Variants in KRT7 observed in about 807,000 individuals in gnomAD.
KRT7 encodes keratin 7, also known as keratin, type II cytoskeletal 7.
A neutral mutation model predicts 42.8 loss-of-function variants in KRT7; 50 were observed. That is an observed-to-expected ratio of 1.17 (90% CI 0.93 to 1.48). KRT7 has a LOEUF of 1.48. KRT7 is among the 40% of genes most tolerant of loss of function. The pLI, the probability that KRT7 is intolerant of heterozygous loss-of-function variation, is 0.00. For missense variants in KRT7, 588 were observed against 637.6 expected (o/e 0.92, Z 0.84); for synonymous variants, 268 against 266.3 (o/e 1.01, Z -0.06).
At chr12:52,253,434 G>C (rs1185528875), downstream of KRT7, 11 of 1,559,696 alleles carry the variant, frequency 7.1e-6, no homozygotes, top group Non-Finnish European at 9.7e-6. Context: ...TGCTCAGCCT[G>C]TGCAACCACA....
intron 4 of KRT7, 53 bp from the exon 5 acceptor site, chr12:52,241,419 G>A (rs910850290): frequency 5.7e-5 from 81 of 1,430,396 alleles, no homozygotes; most frequent in Non-Finnish European, 6.8e-5. Context: ...CCCAGGGTGG[G>A]CGTGGGCATA....
chr12:52,252,801 ACCCAAGTGCCTTGGGAACAGCTTGCTTG>A (rs1439992464), downstream of KRT7, among the ~76,000 whole-genome samples: 2 of 152,142 alleles, frequency 1.3e-5, no homozygotes, highest in Non-Finnish European at 2.9e-5. Context: ...TCCCTATCAT[ACCCAAGTGCCTTGGGAACAGCTTGCTTG>A]CTTCGCTCAT....
At chr12:52,243,266 C>A in intron 6 of KRT7, 129 bp downstream of exon 6, 1 of 1,084,420 alleles carries the variant, frequency 9.2e-7, no homozygotes, top group Non-Finnish European at 1.3e-6. Context: ...GTCTCAGACC[C>A]CCTTGTGAGA....
chr12:52,251,761 C>T, downstream of KRT7: 1 of 352,746 alleles, frequency 2.8e-6, no homozygotes, highest in Middle Eastern at 9.6e-4. Context: ...CTGCCCCACT[C>T]CATCTTTCCT....
Position 52,235,197 on chromosome 12 carries a change from T to C in KRT7, c.367T>C (p.Trp123Arg). The C allele has an allele frequency of 6.2e-7, 1 of 1,614,162 alleles. No homozygotes were observed. Residue 123 changes from tryptophan (W) to arginine (R), a missense_variant, in exon 2 of 9, where the codon TGG becomes CGG. Coordinates refer to ENST00000331817, the MANE Select transcript of KRT7 (RefSeq NM_005556.4). Reference protein sequence around the residue: ...EQQNKLLETKWTLLQEQKSAK... With the variant: ...EQQNKLLETKRTLLQEQKSAK... ...GCAGAACAAGCTGCTGGAGACCAAGTGGACGCTGCTGCAGGAGCAGAAGTC... is the reference window on the plus strand; with the variant it reads ...GCAGAACAAGCTGCTGGAGACCAAGCGGACGCTGCTGCAGGAGCAGAAGTC...
chr12:52,245,292 G>A, intron 6 of KRT7, 120 bp from the exon 7 acceptor site: 1 of 880,082 alleles, frequency 1.1e-6, no homozygotes, highest in Non-Finnish European at 1.8e-6. Context: ...CTGGTACTTG[G>A]GGGAGTAGGT....
intron 1 of KRT7, 101 bp downstream of exon 1, chr12:52,233,721 C>A: frequency 8.7e-7 from 1 of 1,151,600 alleles, no homozygotes; most frequent in Non-Finnish European, 1.3e-6. Flanking sequence ...CTGGGGAGCA[C>A]TGCCGCCCTT....
chr12:52,248,128 CTCCCACGCTAGGAAAGAGCCG>C, intron 7 of KRT7, 28 bp from the exon 8 acceptor site: 1 of 1,592,412 alleles, frequency 6.3e-7, no homozygotes, highest in South Asian at 1.1e-5. Flanking sequence ...GAGCGCTTCC[CTCCCACGCTAGGAAAGAGCCG>C]TCCTCACTGT....
chr12:52,238,782 A>G lies in KRT7; in HGVS notation c.693+7A>G. 6.4e-7 allele frequency: 1 copy of G among 1,568,778 alleles called. No homozygotes were observed. The highest frequency in any genetic ancestry group is 8.8e-7 in the Non-Finnish European group (1 of 1,138,562). On this transcript the variant is annotated splice_region_variant and intron_variant, in intron 4 of 8. Transcript: ENST00000331817. Reference sequence around the variant, plus strand: ...CAGGACCCTCAATGAGACGGTGAGGACCATGGAGCTGGGTGACATGTCTTA... The same window carrying G: ...CAGGACCCTCAATGAGACGGTGAGGGCCATGGAGCTGGGTGACATGTCTTA...
chr12:52,245,289 T>C (rs1434736686), intron 6 of KRT7, 123 bp from the exon 7 acceptor site: 11 of 867,256 alleles, frequency 1.3e-5, no homozygotes, highest in Non-Finnish European at 2.0e-5. Flanking sequence ...TCTCTGGTAC[T>C]TGGGGGAGTA....
At chr12:52,250,539 A>G, downstream of KRT7, 1 of 1,080,994 alleles carries the variant, frequency 9.3e-7, no homozygotes, top group Non-Finnish European at 1.4e-6. Flanking sequence ...GCTCACCGCC[A>G]CGTTCCCGCT....
At chr12:52,252,207 CAGCACTGCCTGGGGG>C (rs1942274790), downstream of KRT7, 1 of 1,601,496 alleles carries the variant, frequency 6.2e-7, no homozygotes, top group Admixed American at 1.7e-5. Flanking sequence ...TGAAGCACTG[CAGCACTGCCTGGGGG>C]AAACTGAGGG....
At chr12:52,254,889 G>A (rs1288014893), downstream of KRT7, among the ~76,000 whole-genome samples, 4 of 152,178 alleles carry the variant, frequency 2.6e-5, no homozygotes, top group Non-Finnish European at 5.9e-5. Context: ...GAGAGTCCAG[G>A]CACTTGTACA....
Position 52,233,249 on chromosome 12 carries a change from T to G in KRT7, c.-48T>G. 1 of 1,406,250 alleles carries G rather than the reference T, an allele frequency of 7.1e-7. No individual in the cohort carries two copies. The allele number at this position is 1,406,250 out of a possible 1,614,324, so 87.1% of individuals were successfully genotyped here. Reference sequence around the variant, plus strand: ...GCGGAGTGTCCCCGAGGTCAGCGAGTGCGCGCTCCTCCTCGCCCGCCGCTA... The same window carrying G: ...GCGGAGTGTCCCCGAGGTCAGCGAGGGCGCGCTCCTCCTCGCCCGCCGCTA... On this transcript the variant is annotated 5_prime_UTR_variant, in exon 1 of 9. Transcript: ENST00000331817.
chr12:52,247,224 G>A (rs1195654997), intron 7 of KRT7: 1 of 152,128 alleles, frequency 6.6e-6, no homozygotes, highest in African/African-American at 2.4e-5. Context: ...GGACATTCAG[G>A]CCTCTTCCGT....
intron 6 of KRT7, chr12:52,244,384 C>G (rs1392427453): frequency 2.8e-5 from 28 of 985,536 alleles, no homozygotes; most frequent in African/African-American, 5.2e-5. Flanking sequence ...CGGATCCAGG[C>G]CTATAGCCAG....
At position 52,241,515 on chromosome 12, in the gene KRT7, T is replaced by A; in HGVS notation, c.737T>A (p.Val246Glu). 2.5e-6 allele frequency: 4 copies of A among 1,613,924 alleles called. No homozygotes were observed. The highest frequency in any genetic ancestry group is 3.4e-6 in the Non-Finnish European group (4 of 1,179,878). ...TCCCAGATCTCCGACACATCTGTGG[T>A]GCTGTCCATGGACAACAGTCGCTCC... ...LQSQISDTSV[V>E]LSMDNSRSLD... The change falls in exon 5 of 9, where the codon GTG (valine) becomes GAG (glutamate). Residue 246 changes from valine to glutamate, a missense_variant. By Grantham distance (121) the Val-to-Glu change is moderately radical. Coordinates refer to ENST00000331817, the MANE Select transcript of KRT7 (RefSeq NM_005556.4).
At chr12:52,243,871 G>A (rs1246006381) in intron 6 of KRT7, among the ~76,000 whole-genome samples, 1 of 152,248 alleles carries the variant, frequency 6.6e-6, no homozygotes, top group Non-Finnish European at 1.5e-5. Flanking sequence ...TATAACAGAT[G>A]CCTGGAGAGC....
downstream of KRT7, among the ~76,000 whole-genome samples, chr12:52,250,870 T>C (rs1328113614): frequency 1.3e-5 from 2 of 152,232 alleles, no homozygotes; most frequent in African/African-American, 4.8e-5. Context: ...AAATACAGCA[T>C]TAAATGATTT....
Sources: gnomAD v4.1 joint callset for allele counts (sites outside exome capture counted in the v4.1 genomes callset) on GRCh38, gnomAD v4.1.1 for gene constraint, MANE v1.5 for transcripts, NCBI Gene and HGNC (gene_info 2026-07-23, HGNC 2026-07-21) for gene names.